The following TRAPPC8 variants were observed in gnomAD, a reference collection of about 807,000 sequenced individuals.
TRAPPC8 encodes the protein trafficking protein particle complex subunit 8, also known as general sporulation gene 1 homolog.
In TRAPPC8, 54 loss-of-function variants were observed where a neutral mutation model predicts 174.3. That is an observed-to-expected ratio of 0.31 (90% confidence interval 0.25 to 0.39). The LOEUF (loss-of-function observed/expected upper bound fraction) is 0.39, where lower values mean the gene tolerates loss of function less well. TRAPPC8 is among the 10% of genes least tolerant of loss of function. TRAPPC8 has a pLI of 1.00. For missense variants in TRAPPC8, 1,531 were observed against 1,699.1 expected, an observed-to-expected ratio of 0.90 and a Z score of 1.74; for synonymous variants, 630 against 579.9, an observed-to-expected ratio of 1.09 and a Z score of -1.24.
At chr18:31,845,773 C>T (rs951860670) in intron 26 of TRAPPC8, among the ~76,000 whole-genome samples, 6 of 151,522 alleles carry the variant, frequency 4.0e-5, no homozygotes, top group East Asian at 1.9e-4. Flanking sequence ...TTCAGGTCCA[C>T]GGTGAAATAA....
intron 2 of TRAPPC8, among the ~76,000 whole-genome samples, chr18:31,930,060 A>G (rs919848147): frequency 6.6e-6 from 1 of 152,220 alleles, no homozygotes; most frequent in Non-Finnish European, 1.5e-5. Flanking sequence ...TACAAGAGCA[A>G]CAACTAACTT....
chr18:31,865,913 A>T (rs1174298555), intron 18 of TRAPPC8, among the ~76,000 whole-genome samples: 1 of 151,918 alleles, frequency 6.6e-6, no homozygotes, highest in Non-Finnish European at 1.5e-5. Context: ...ACTCAATTTT[A>T]GTGCAAATTT....
At position 31,860,280 on chromosome 18, in the gene TRAPPC8, T is replaced by TAA. The variant is rs971752121; in HGVS notation, c.2746-2300_2746-2299dup. Reference sequence around the variant, plus strand: ...GGTCTAGTTGAATGATACATATATATAATAGTGCTTGTGCGTAAGAAATTA... The same window carrying TAA: ...GGTCTAGTTGAATGATACATATATATAAAATAGTGCTTGTGCGTAAGAAATTA... On this transcript the variant is annotated intron_variant, in intron 19 of 28. Coordinates refer to ENST00000283351, the MANE Select transcript of TRAPPC8 (RefSeq NM_014939.5). Among the ~76,000 whole-genome samples, 16 of 152,248 alleles carry TAA rather than the reference T, an allele frequency of 1.1e-4. No homozygotes were observed. In the South Asian group the frequency reaches 1.5e-3, roughly 14 times the overall value.
intron 2 of TRAPPC8, among the ~76,000 whole-genome samples, chr18:31,919,703 T>C (rs1241657749): frequency 8.0e-5 from 12 of 150,924 alleles, no homozygotes; most frequent in Admixed American, 7.9e-4. Context: ...CTAAAAGAAA[T>C]ACAAAAAATT....
intron 26 of TRAPPC8, among the ~76,000 whole-genome samples, chr18:31,843,320 T>C (rs1484883862): frequency 2.0e-5 from 3 of 152,196 alleles, no homozygotes; most frequent in Non-Finnish European, 4.4e-5. Flanking sequence ...GTGAGCTGAA[T>C]GAATGTTTAC....
At chr18:31,907,433 G>C in intron 9 of TRAPPC8, 27 bp downstream of exon 9, 2 of 1,528,192 alleles carry the variant, frequency 1.3e-6, no homozygotes, top group Non-Finnish European at 1.8e-6. Context: ...GCAGAATTAA[G>C]GAATTATAAT....
intron 1 of TRAPPC8, among the ~76,000 whole-genome samples, chr18:31,942,157 A>G (rs148054258): frequency 2.6e-5 from 4 of 152,358 alleles, no homozygotes; most frequent in East Asian, 1.9e-4. Flanking sequence ...CAAGAATGTA[A>G]TAACATCCAC....
intron 2 of TRAPPC8, chr18:31,926,466 GTTTT>G (rs2037619600): frequency 9.2e-6 from 1 of 108,116 alleles, no homozygotes. Context: ...AAGATGTTTT[GTTTT>G]GGTTTTTTTT....
intron 2 of TRAPPC8, among the ~76,000 whole-genome samples, chr18:31,930,673 C>T (rs1366536192): frequency 6.6e-6 from 1 of 152,074 alleles, no homozygotes; most frequent in Non-Finnish European, 1.5e-5. Flanking sequence ...GTGGCTCACA[C>T]CTGTAATCCC....
intron 2 of TRAPPC8, among the ~76,000 whole-genome samples, chr18:31,919,560 A>G (rs2037289761): frequency 1.6e-5 from 2 of 125,994 alleles, no homozygotes; most frequent in South Asian, 4.7e-4. Context: ...AAATAAATAA[A>G]TAAATAAATA....
At chr18:31,841,902 C>T (rs1305707909) in intron 26 of TRAPPC8, among the ~76,000 whole-genome samples, 1 of 152,114 alleles carries the variant, frequency 6.6e-6, no homozygotes, top group Non-Finnish European at 1.5e-5. Context: ...TAAACTATCT[C>T]AGACTTGTTT....
intron 9 of TRAPPC8, among the ~76,000 whole-genome samples, chr18:31,903,799 G>A (rs2036545199): frequency 2.0e-5 from 3 of 151,998 alleles, no homozygotes; most frequent in African/African-American, 4.8e-5. Flanking sequence ...GCTGAGGCAG[G>A]AGGAGTGCTT....
chr18:31,936,810 G>A (rs916064840), intron 1 of TRAPPC8, among the ~76,000 whole-genome samples: 2 of 150,586 alleles, frequency 1.3e-5, no homozygotes, highest in Admixed American at 6.6e-5. Context: ...GCTGAGGCAG[G>A]AGAATTGCTT....
intron 12 of TRAPPC8, among the ~76,000 whole-genome samples, chr18:31,875,359 C>CT (rs540863227): frequency 2.7e-5 from 4 of 149,556 alleles, no homozygotes; most frequent in African/African-American, 9.8e-5. Flanking sequence ...TATAAATAAA[C>CT]TTTTTTTTTC....
intron 2 of TRAPPC8, 59 bp downstream of exon 2, chr18:31,931,270 C>T (rs2037833236): frequency 4.2e-6 from 6 of 1,434,548 alleles, no homozygotes; most frequent in South Asian, 3.2e-5. Context: ...GTCATAGAAT[C>T]GCTTTTTCTA....
chr18:31,890,960 G>T, intron 11 of TRAPPC8, 94 bp from the exon 12 acceptor site: 1 of 1,192,592 alleles, frequency 8.4e-7, no homozygotes. Context: ...TTAATATATA[G>T]CATATCCAAT....
intron 1 of TRAPPC8, among the ~76,000 whole-genome samples, chr18:31,935,196 T>C (rs1568157496): frequency 1.3e-5 from 2 of 151,066 alleles, no homozygotes. Context: ...AATACAAAAT[T>C]AGCCAGGCGT....
At chr18:31,886,480 T>C (rs1173215725) in intron 12 of TRAPPC8, among the ~76,000 whole-genome samples, 1 of 152,040 alleles carries the variant, frequency 6.6e-6, no homozygotes, top group African/African-American at 2.4e-5. Flanking sequence ...TGTGTTCAAG[T>C]GGATTTTTAA....
At chr18:31,833,334 A>G (rs1380337728) in intron 27 of TRAPPC8, 1 of 152,220 alleles carries the variant, frequency 6.6e-6, no homozygotes, top group Admixed American at 6.5e-5. Flanking sequence ...CTCCTGGTCC[A>G]AAGTGAAACT....
Sources: allele counts gnomAD v4.1 joint callset (sites outside exome capture counted in the v4.1 genomes callset), GRCh38; gene constraint gnomAD v4.1.1; transcripts MANE v1.5; gene names NCBI Gene and HGNC (gene_info 2026-07-23, HGNC 2026-07-21).